The following TSHZ1 variants were observed in gnomAD, a reference collection of about 807,000 sequenced individuals.
The protein encoded by TSHZ1 is teashirt zinc finger homeobox 1.
TSHZ1 carries 12 observed loss-of-function variants against 67.1 expected under a neutral mutation model. That is an observed-to-expected ratio of 0.18 (90% CI 0.11 to 0.29). TSHZ1 has a LOEUF of 0.29. Ranked by LOEUF, TSHZ1 falls within the 10% of genes least tolerant of loss-of-function variation. TSHZ1 has a pLI of 1.00. For missense variants in TSHZ1, 1,305 were observed against 1,413.9 expected (o/e 0.92, Z 1.23); for synonymous variants, 632 against 622.4 (o/e 1.02, Z -0.23).
In TSHZ1 at chr18:75,258,657, G is replaced by A. The variant is rs9960295; in HGVS notation, c.41-26791G>A. ...AACATACTAGACTTTACTAAGGTGA[G>A]GTTGTCAACTTTTCTATTCTATTTT... On this transcript the variant is annotated intron_variant, in intron 1 of 1. Transcript: ENST00000580243. Among the ~76,000 whole-genome samples, 853 of 152,228 alleles carry A rather than the reference G, an allele frequency of 5.6e-3. 11 individuals are homozygous for A. Among genetic ancestry groups the A allele is most frequent in the African/African-American group, 0.02 (811 of 41,518 alleles).
At chr18:75,241,114 G>A (rs1359117621) in intron 1 of TSHZ1, among the ~76,000 whole-genome samples, 1 of 152,162 alleles carries the variant, frequency 6.6e-6, no homozygotes, top group Non-Finnish European at 1.5e-5. Flanking sequence ...TCAGTCACAG[G>A]TATTTATTGA....
intron 1 of TSHZ1, among the ~76,000 whole-genome samples, chr18:75,219,200 G>C (rs1303259063): frequency 1.3e-5 from 2 of 152,176 alleles, no homozygotes; most frequent in Non-Finnish European, 2.9e-5. Flanking sequence ...AGGGATCAGG[G>C]TTGTAAAATG....
At chr18:75,249,483 G>GC (rs1162282518) in intron 1 of TSHZ1, among the ~76,000 whole-genome samples, 2 of 148,366 alleles carry the variant, frequency 1.3e-5, no homozygotes, top group Non-Finnish European at 3.0e-5. Context: ...GGCTTTGGTA[G>GC]GGGGGAAGGG....
At chr18:75,257,315 G>C (rs770296598) in intron 1 of TSHZ1, among the ~76,000 whole-genome samples, 1 of 152,084 alleles carries the variant, frequency 6.6e-6, no homozygotes, top group African/African-American at 2.4e-5. Flanking sequence ...TTTTTAAAGG[G>C]CTGGGTCCTT....
intron 1 of TSHZ1, among the ~76,000 whole-genome samples, chr18:75,234,158 C>T (rs73481919): frequency 0.014 from 2,090 of 152,242 alleles, 43 homozygotes; most frequent in African/African-American, 0.048. Flanking sequence ...AACAGCCACA[C>T]GGCCAGTGAA....
At position 75,288,565 on chromosome 18, in the gene TSHZ1, A is replaced by G. The variant is rs1173278850; in HGVS notation, c.3158A>G (p.Lys1053Arg). 3 of 1,614,082 alleles carry G rather than the reference A, an allele frequency of 1.9e-6. No individual in the cohort carries two copies. The highest frequency in any genetic ancestry group is 2.5e-6 in the Non-Finnish European group (3 of 1,180,046). ...ACTTTTGCGAGCAAGCACGCAGTCAAACTGCACCTTAGTAAGACCCACGGC... is the reference window on the plus strand; with the variant it reads ...ACTTTTGCGAGCAAGCACGCAGTCAGACTGCACCTTAGTAAGACCCACGGC... ...NRTFASKHAVKLHLSKTHGKS... is the reference protein window; with the variant it reads ...NRTFASKHAVRLHLSKTHGKS... The change falls in exon 2 of 2, where the codon AAA becomes AGA. Residue 1053 changes from lysine (K) to arginine (R), a missense_variant. Around this residue, in one of 3 missense-constraint regions of TSHZ1, gnomAD observed 909 missense variants for 961.8 expected, o/e 0.95. Transcript: ENST00000580243. This position sits in a 1 kb window ranked among gnomAD's most constrained non-coding sequence, Gnocchi z 4.9.
rs752277509 is a variant in TSHZ1 at position 75,287,579 on chromosome 18, C to T, written c.2172C>T (p.Thr724=). ...CAGAGCCTCTCAAAGCAAAGGTCAC[C>T]AACGGCTGTAACAACCTGGGGATCA... ...NGTEPLKAKV[T]NGCNNLGIIM... The change falls in exon 2 of 2, where the codon ACC becomes ACT. Residue 724 remains threonine, a synonymous_variant. Transcript: ENST00000580243. This position sits in a 1 kb window ranked among gnomAD's most constrained non-coding sequence, Gnocchi z 5.0. 4 of 1,614,216 alleles carry T rather than the reference C, an allele frequency of 2.5e-6. No individual in the cohort carries two copies. Among genetic ancestry groups the T allele is most frequent in the Non-Finnish European group, 3.4e-6 (4 of 1,180,046 alleles).
Position 75,287,946 on chromosome 18 carries a change from C to G in TSHZ1, c.2539C>G (p.Leu847Val), listed in dbSNP as rs761651466. The change falls in exon 2 of 2, where the codon CTC (leucine) becomes GTC (valine). Residue 847 changes from leucine (L) to valine (V), a missense_variant. Leu to Val is a conservative substitution (Grantham distance 32, BLOSUM62 1). Coordinates refer to ENST00000580243, the MANE Select transcript of TSHZ1 (RefSeq NM_001308210.2). This position sits in a 1 kb window ranked among gnomAD's most constrained non-coding sequence, Gnocchi z 5.0. Reference sequence around the variant, plus strand: ...GGACATCTCCGACATGGTGAAAAACCTCACAGGCCGCCTGACGCCCAAGTC... The same window carrying G: ...GGACATCTCCGACATGGTGAAAAACGTCACAGGCCGCCTGACGCCCAAGTC... ...LMDISDMVKN[L>V]TGRLTPKSST... 4.3e-6 allele frequency: 7 copies of G among 1,614,236 alleles called. No individual in the cohort carries two copies. The Admixed American group carries it at 1.0e-4, about 23-fold the overall frequency.
rs570249689 is a variant in TSHZ1, at chr18:75,259,108, G to A, written c.41-26340G>A. 9.9e-4 allele frequency among the ~76,000 whole-genome samples: 151 copies of A among 152,192 alleles called. 2 individuals carry two copies. The highest frequency in any genetic ancestry group is 3.3e-3 in the African/African-American group (137 of 41,502). On this transcript the variant is annotated intron_variant, in intron 1 of 1. Coordinates refer to ENST00000580243, the MANE Select transcript of TSHZ1 (RefSeq NM_001308210.2). ...TGTGCCCACATAGGTCTATGAAAAC[G>A]TATGAATGTGTGTGGGGTTTTCTTT...
At position 75,241,365 on chromosome 18, in the gene TSHZ1, T is replaced by C. The variant is rs568444702; in HGVS notation, c.40+29449T>C. Among the ~76,000 whole-genome samples, 7 of 152,278 alleles carry C rather than the reference T, an allele frequency of 4.6e-5. No homozygotes were observed. The South Asian group carries it at 1.5e-3, about 32-fold the overall frequency. On this transcript the variant is annotated intron_variant, in intron 1 of 1. Coordinates refer to ENST00000580243, the MANE Select transcript of TSHZ1 (RefSeq NM_001308210.2). ...TGAGCTTGCAGTTCAGATGGCACCA[T>C]AGGACTGGCTAGCTGGGGCCTGGCT... is the stretch of plus-strand genomic sequence containing the variant.
At chr18:75,249,401 G>T (rs185086960) in intron 1 of TSHZ1, among the ~76,000 whole-genome samples, 4 of 149,790 alleles carry the variant, frequency 2.7e-5, no homozygotes, top group African/African-American at 9.9e-5. Context: ...AGTAGGTGGC[G>T]CAGGGTGCAG....
At chr18:75,277,013 C>G (rs969397153) in intron 1 of TSHZ1, among the ~76,000 whole-genome samples, 1 of 152,220 alleles carries the variant, frequency 6.6e-6, no homozygotes, top group African/African-American at 2.4e-5. Context: ...CAAGGAACAG[C>G]ATTTCTGCCT....
At position 75,211,775 on chromosome 18, in the gene TSHZ1, G is replaced by A. The variant is rs1474919111; in HGVS notation, c.-102G>A. 1.5e-5 allele frequency: 12 copies of A among 798,170 alleles called. No individual in the cohort carries two copies. The highest frequency in any genetic ancestry group is 6.2e-5 in the Admixed American group (1 of 16,144). The allele number at this position is 798,170 out of a possible 1,614,324, so 49.4% of individuals were successfully genotyped here. A position where few individuals can be genotyped will look rare whatever the true frequency, so the allele number is the denominator to read the frequency against. ...CGGAGCCCGCGGGGACGAGGCCAAA[G>A]TTGGGCGCGCCGCGGAGTTGCGCCC... is the stretch of plus-strand genomic sequence containing the variant. On this transcript the variant is annotated 5_prime_UTR_variant, in exon 1 of 2. Transcript: ENST00000580243.
At chr18:75,264,684 T>C (rs2023469891) in intron 1 of TSHZ1, among the ~76,000 whole-genome samples, 1 of 152,178 alleles carries the variant, frequency 6.6e-6, no homozygotes, top group Non-Finnish European at 1.5e-5. Context: ...AGCTACTGCG[T>C]TCAAGGGAAG....
intron 1 of TSHZ1, among the ~76,000 whole-genome samples, chr18:75,277,485 A>G (rs1475553264): frequency 2.0e-5 from 3 of 152,072 alleles, no homozygotes; most frequent in South Asian, 4.2e-4. Context: ...TGTGAGCAAC[A>G]GACTTGTATT....
intron 1 of TSHZ1, among the ~76,000 whole-genome samples, chr18:75,257,802 T>C (rs1466552483): frequency 6.6e-6 from 1 of 152,176 alleles, no homozygotes; most frequent in African/African-American, 2.4e-5. Flanking sequence ...CATGTTCCCG[T>C]GGTAACAGAA....
chr18:75,222,121 G>A (rs902301033), intron 1 of TSHZ1, among the ~76,000 whole-genome samples: 1 of 152,084 alleles, frequency 6.6e-6, no homozygotes, highest in Non-Finnish European at 1.5e-5. Flanking sequence ...AGGAAGCCGC[G>A]CACAAAGGTC....
At position 75,211,819 on chromosome 18, in the gene TSHZ1, C is replaced by T. The variant is rs1454424459; in HGVS notation, c.-58C>T. On this transcript the variant is annotated 5_prime_UTR_variant, in exon 1 of 2. Transcript: ENST00000580243. ...TGCGCCCGCGCCCGGGGCCCCGCGT[C>T]CCCGCGCCCCGCGAACTCCGGCGGC... 35 of 1,075,400 alleles carry T rather than the reference C, an allele frequency of 3.3e-5. No homozygotes were observed. The highest frequency in any genetic ancestry group is 3.5e-5 in the Non-Finnish European group (31 of 888,654). 66.6% of individuals were successfully genotyped at this position (1,075,400 alleles called of 1,614,324 possible).
Position 75,285,736 on chromosome 18 carries a change from AG to A in TSHZ1, c.331del (p.Asp111ThrfsTer22). On this transcript the variant is annotated frameshift_variant, in exon 2 of 2. Coordinates refer to ENST00000580243, the MANE Select transcript of TSHZ1 (RefSeq NM_001308210.2). LOFTEE classifies it high-confidence loss of function. ...PQCPDSVSYP[Q>X]DSLAQIKAVY... is the part of the protein sequence containing the mutation. ...TGTCCCGACAGCGTCTCGTACCCCC[AG>A]GACAGCCTGGCACAGATCAAAGCTG... 1 of 1,614,106 alleles carries A rather than the reference AG, an allele frequency of 6.2e-7. No individual in the cohort carries two copies.
Sources: gnomAD v4.1 joint callset for allele counts (sites outside exome capture counted in the v4.1 genomes callset) on GRCh38, gnomAD v4.1.1 for gene constraint, gnomAD v4.1.1 regional missense constraint, Gnocchi (gnomAD v3.1) non-coding constraint, MANE v1.5 for transcripts, NCBI Gene and HGNC (gene_info 2026-07-23, HGNC 2026-07-21) for gene names.